Variants in SLC26A8 observed in about 807,000 individuals in gnomAD.
SLC26A8 encodes testis anion transporter 1.
A neutral mutation model predicts 105.0 loss-of-function variants in SLC26A8; 70 were observed. The observed-to-expected ratio is 0.67, with a 90% CI of 0.55 to 0.81. The LOEUF is 0.81. SLC26A8 is among the 40% of genes least tolerant of loss of function. The pLI is 0.00. For synonymous variants in SLC26A8, 415 were observed against 438.3 expected (o/e 0.95, Z 0.66); for missense variants, 998 against 1,181.8 (o/e 0.84, Z 2.28).
chr6:35,994,116 CTT>C (rs1168753321), intron 5 of SLC26A8, among the ~76,000 whole-genome samples: 3 of 66,184 alleles, frequency 4.5e-5, no homozygotes, highest in Non-Finnish European at 3.5e-5. Context: ...TTTTTCTTTT[CTT>C]TTTTTTTTTT....
chr6:35,965,915 TG>T (rs953934093), intron 11 of SLC26A8, among the ~76,000 whole-genome samples: 1 of 146,978 alleles, frequency 6.8e-6, no homozygotes, highest in Non-Finnish European at 1.5e-5. Flanking sequence ...TGCTTGAACC[TG>T]GGAGGCAGAG....
At position 35,944,041 on chromosome 6, in the gene SLC26A8, A is replaced by G. The variant is rs202242485; in HGVS notation, c.2772T>C (p.Pro924=). 2.5e-6 allele frequency: 4 copies of G among 1,614,088 alleles called. No homozygotes were observed. The highest frequency in any genetic ancestry group is 4.5e-5 in the East Asian group (2 of 44,874). Residue 924 remains proline (P), a synonymous_variant, in exon 20 of 20, where the codon CCT becomes CCC. Transcript: ENST00000490799. Reference sequence around the variant, plus strand: ...GATACATAGGCCAGTAACGCTGCTGAGGAAAAGTGTGAGCTCTTGGCCTAG... The same window carrying G: ...GATACATAGGCCAGTAACGCTGCTGGGGAAAAGTGTGAGCTCTTGGCCTAG... The part of the protein sequence containing the change: ...PKSRPRAHTF[P]QQRYWPMYHP...
At position 35,968,910 on chromosome 6, in the gene SLC26A8, C is replaced by T; in HGVS notation, c.1332G>A (p.Val444=). The change falls in exon 11 of 20, where the codon GTG becomes GTA. Residue 444 remains valine (V), a synonymous_variant. Transcript: ENST00000490799. ...VGAGVMLLLM[V]KMGHFFYTLP... is the part of the protein sequence containing the mutation. ...GTGTGTAGAAAAAGTGTCCCATCTT[C>T]ACCATCAGGAGCAGCATCACACCTG... 5 of 1,611,338 alleles carry T rather than the reference C, an allele frequency of 3.1e-6. No homozygotes were observed. Among genetic ancestry groups the T allele is most frequent in the Non-Finnish European group, 4.2e-6 (5 of 1,179,052 alleles).
intron 10 of SLC26A8, among the ~76,000 whole-genome samples, chr6:35,971,598 T>C (rs972663797): frequency 6.6e-6 from 1 of 152,150 alleles, no homozygotes; most frequent in Non-Finnish European, 1.5e-5. Flanking sequence ...ATTCTCACAA[T>C]GGGCAAATTT....
At chr6:35,949,253 G>A (rs980855254) in intron 19 of SLC26A8, among the ~76,000 whole-genome samples, 7 of 152,174 alleles carry the variant, frequency 4.6e-5, no homozygotes, top group African/African-American at 1.7e-4. Flanking sequence ...CCTACATAGT[G>A]AAACCCTGTC....
chr6:35,951,504 G>C lies in SLC26A8; in HGVS notation c.2233-5C>G, dbSNP rs368479867. 2.4e-4 allele frequency: 380 copies of C among 1,613,936 alleles called. No individual in the cohort carries two copies. The highest frequency in any genetic ancestry group is 1.5e-3 in the East Asian group (67 of 44,882). ...GTTTTGAAAGGCATTGCATATCTGT[G>C]GGGGGAGAGAAAACCAGTATCAGAA... On this transcript the variant is annotated splice_region_variant and splice_polypyrimidine_tract_variant and intron_variant, in intron 17 of 19. Coordinates refer to ENST00000490799, the MANE Select transcript of SLC26A8 (RefSeq NM_052961.4).
Position 35,943,811 on chromosome 6 carries a change from G to A in SLC26A8, c.*89C>T, listed in dbSNP as rs375823295. ...GTCAGGAAGGAAGTACTGCTAGTTC[G>A]TATCCAGTCTAGGTCTCTGGACAAT... On this transcript the variant is annotated 3_prime_UTR_variant, in exon 20 of 20. Transcript: ENST00000490799. The A allele has an allele frequency of 2.2e-4, 335 of 1,530,364 alleles. 1 individual carries two copies. In the African/African-American group the frequency reaches 3.7e-3, roughly 17 times the overall value. The allele number at this position is 1,530,364 out of a possible 1,614,324, so 94.8% of individuals were successfully genotyped here.
At chr6:35,977,549 C>CCT (rs958902440) in intron 8 of SLC26A8, among the ~76,000 whole-genome samples, 198 bp from the exon 9 acceptor site, 14 of 151,462 alleles carry the variant, frequency 9.2e-5, no homozygotes, top group African/African-American at 3.2e-4. Context: ...ATTGAGAGAA[C>CCT]ATGTTGTTGT....
At position 35,950,396 on chromosome 6, in the gene SLC26A8, T is replaced by C. The variant is rs141309306; in HGVS notation, c.2472+767A>G. Among the ~76,000 whole-genome samples, 252 of 151,412 alleles carry C rather than the reference T, an allele frequency of 1.7e-3. 2 individuals are homozygous for C. The highest frequency in any genetic ancestry group is 0.012 in the East Asian group (63 of 5,060). Reference sequence around the variant, plus strand: ...CCTCTGCCTCCCGGGTTCAAGCAATTCTGCCTCAGCCTCCCAAGCAACTGG... The same window carrying C: ...CCTCTGCCTCCCGGGTTCAAGCAATCCTGCCTCAGCCTCCCAAGCAACTGG... On this transcript the variant is annotated intron_variant, in intron 19 of 19. Coordinates refer to ENST00000490799, the MANE Select transcript of SLC26A8 (RefSeq NM_052961.4).
chr6:35,993,186 T>G (rs1369062119), intron 5 of SLC26A8, among the ~76,000 whole-genome samples: 15 of 30,794 alleles, frequency 4.9e-4, no homozygotes, highest in Admixed American at 1.3e-3. Context: ...TGATAGAGAT[T>G]GGAGGGGGGG....
chr6:35,963,788 A>G (rs1395951177), intron 11 of SLC26A8, among the ~76,000 whole-genome samples: 1 of 152,220 alleles, frequency 6.6e-6, no homozygotes, highest in East Asian at 1.9e-4. Flanking sequence ...TGATAAATTA[A>G]GAGAACTTAC....
At position 35,955,383 on chromosome 6, in the gene SLC26A8, G is replaced by T; in HGVS notation, c.2001C>A (p.Ser667=). 6.2e-7 allele frequency: 1 copy of T among 1,614,182 alleles called. No homozygotes were observed. The highest frequency in any genetic ancestry group is 8.5e-7 in the Non-Finnish European group (1 of 1,180,036). Residue 667 remains serine, a synonymous_variant, in exon 17 of 20, where the codon TCC becomes TCA. Coordinates refer to ENST00000490799, the MANE Select transcript of SLC26A8 (RefSeq NM_052961.4). Reference sequence around the variant, plus strand: ...GTTGCCCTTGATTTTTCTGAGACACGGACGATACTGTGTATGGCACTTGGT... The same window carrying T: ...GTTGCCCTTGATTTTTCTGAGACACTGACGATACTGTGTATGGCACTTGGT... ...SEDQVPYTVS[S]VSQKNQGQQY...
Position 35,960,842 on chromosome 6 carries a change from C to A in SLC26A8, c.1638+1G>T. 2 of 1,614,064 alleles carry A rather than the reference C, an allele frequency of 1.2e-6. No homozygotes were observed. Among genetic ancestry groups the A allele is most frequent in the Non-Finnish European group, 1.7e-6 (2 of 1,179,962 alleles). On this transcript the variant is annotated splice_donor_variant, in intron 14 of 19. Transcript: ENST00000490799. LOFTEE classifies it high-confidence loss of function. ...GAAATGGGACCCATTTGGATTCTTA[C>A]CTCCCGATAATCATTGATGCTTCTA...
chr6:35,951,444 C>G lies in SLC26A8; in HGVS notation c.2287+1G>C. The G allele has an allele frequency of 6.2e-7, 1 of 1,614,124 alleles. No homozygotes were observed. Among genetic ancestry groups the G allele is most frequent in the Non-Finnish European group, 8.5e-7 (1 of 1,180,016 alleles). ...CCTCTCATAGGGTGAAGGATACTCACAGTGACACCCTGCAATGAGTATCAA... is the reference window on the plus strand; with the variant it reads ...CCTCTCATAGGGTGAAGGATACTCAGAGTGACACCCTGCAATGAGTATCAA... On this transcript the variant is annotated splice_donor_variant, in intron 18 of 19. Coordinates refer to ENST00000490799, the MANE Select transcript of SLC26A8 (RefSeq NM_052961.4). LOFTEE classifies it high-confidence loss of function.
chr6:35,976,168 G>A (rs1335934705), intron 9 of SLC26A8, among the ~76,000 whole-genome samples: 1 of 151,882 alleles, frequency 6.6e-6, no homozygotes, highest in Non-Finnish European at 1.5e-5. Flanking sequence ...GCTCACACCT[G>A]TAATCCCAGC....
intron 19 of SLC26A8, among the ~76,000 whole-genome samples, chr6:35,949,909 G>A (rs564060647): frequency 1.3e-4 from 19 of 150,390 alleles, no homozygotes; most frequent in Admixed American, 9.3e-4. Context: ...GGGTTCAAGC[G>A]ATTCTCCTGC....
At chr6:35,944,480 G>A (rs1257203364) in intron 19 of SLC26A8, 140 bp from the exon 20 acceptor site, 4 of 478,626 alleles carry the variant, frequency 8.4e-6, no homozygotes, top group East Asian at 3.1e-5. Flanking sequence ...AGGCCAGCCT[G>A]GGCAACATAG....
At chr6:35,960,018 C>T in intron 14 of SLC26A8, 1 of 388,848 alleles carries the variant, frequency 2.6e-6, no homozygotes, top group Non-Finnish European at 4.6e-6. Context: ...AAGCAATTCT[C>T]CTGCCTCAGC....
intron 2 of SLC26A8, among the ~76,000 whole-genome samples, chr6:36,013,952 A>G (rs1176163376): frequency 6.6e-6 from 1 of 152,182 alleles, no homozygotes; most frequent in Non-Finnish European, 1.5e-5. Flanking sequence ...AGATGGGGCT[A>G]GAAACAAGGT....
Sources: allele counts gnomAD v4.1 joint callset (sites outside exome capture counted in the v4.1 genomes callset), GRCh38; gene constraint gnomAD v4.1.1; transcripts MANE v1.5; gene names NCBI Gene and HGNC (gene_info 2026-07-23, HGNC 2026-07-21).